The following HERC2 variants were observed in gnomAD, a reference collection of about 807,000 sequenced individuals.
HERC2 encodes E3 ubiquitin-protein ligase HERC2.
HERC2 carries 102 observed loss-of-function variants against 537.7 expected under a neutral mutation model. The observed-to-expected ratio is 0.19, with a 90% confidence interval of 0.16 to 0.22. The LOEUF is 0.22. HERC2 is among the 10% of genes least tolerant of loss of function. The pLI, the probability that HERC2 is intolerant of heterozygous loss-of-function variation, is 1.00. For synonymous variants in HERC2, 2,224 were observed against 2,466.2 expected (o/e 0.90, Z 2.91); for missense variants, 4,236 against 6,198.2 (o/e 0.68, Z 10.63).
intron 2 of HERC2, among the ~76,000 whole-genome samples, chr15:28,315,212 G>C (rs1414707690): frequency 6.6e-6 from 1 of 152,232 alleles, no homozygotes; most frequent in African/African-American, 2.4e-5. Context: ...TAAAAACACT[G>C]AGTTCCCTCA....
rs375750342 is a variant in HERC2 at position 28,142,966 on chromosome 15, G to A, written c.11419-14C>T. On this transcript the variant is annotated splice_polypyrimidine_tract_variant and intron_variant, in intron 74 of 92. Transcript: ENST00000261609. ...ACCTGTAAAACTCTAAGAAACAACA[G>A]AACAGTATTCTATCGCAGGAATCCA... 2.6e-5 allele frequency: 42 copies of A among 1,605,668 alleles called. No homozygotes were observed. In the African/African-American group the frequency reaches 5.0e-4, roughly 19 times the overall value.
intron 28 of HERC2, 37 bp from the exon 29 acceptor site, chr15:28,233,598 T>C (rs751206213): frequency 3.7e-6 from 6 of 1,613,686 alleles, no homozygotes; most frequent in Admixed American, 3.3e-5. Context: ...CAGGGATGAA[T>C]ATGTACCTCA....
At chr15:28,142,983 A>G in intron 74 of HERC2, 31 bp from the exon 75 acceptor site, 3 of 1,604,750 alleles carry the variant, frequency 1.9e-6, no homozygotes, top group Admixed American at 1.7e-5. Flanking sequence ...ATTCTATCGC[A>G]GGAATCCAGG....
chr15:28,162,627 C>A (rs748464195), intron 69 of HERC2, among the ~76,000 whole-genome samples: 1 of 152,100 alleles, frequency 6.6e-6, no homozygotes, highest in Non-Finnish European at 1.5e-5. Flanking sequence ...TTGGTGCTCA[C>A]TCCTGTAATC....
At chr15:28,130,465 T>A (rs766042178) in intron 82 of HERC2, 38 bp downstream of exon 82, 6 of 1,589,272 alleles carry the variant, frequency 3.8e-6, no homozygotes, top group Non-Finnish European at 5.2e-6. Context: ...AATAAAAATC[T>A]GGTTTTAGTG....
chr15:28,280,164 CG>C lies in HERC2; in HGVS notation c.445del (p.Arg149AlafsTer6), dbSNP rs1301576839. The C allele has an allele frequency of 6.2e-7, 1 of 1,614,044 alleles. No individual in the cohort carries two copies. On this transcript the variant is annotated frameshift_variant, in exon 5 of 93. Transcript: ENST00000261609. LOFTEE classifies it high-confidence loss of function. ...RLKQRLVILE[R>X]YFIALNRTVF... ...GGTTCTATTCAAGGCAATGAAATAG[CG>C]CTCCAAGATCACCAGCCTCTGCTTG...
intron 14 of HERC2, among the ~76,000 whole-genome samples, chr15:28,264,569 T>G (rs1243978235): frequency 6.6e-6 from 1 of 152,046 alleles, no homozygotes; most frequent in Non-Finnish European, 1.5e-5. Flanking sequence ...CAGGGACACT[T>G]CCCTACAAGA....
At chr15:28,178,555 C>T (rs925796607) in intron 59 of HERC2, among the ~76,000 whole-genome samples, 28 of 151,748 alleles carry the variant, frequency 1.8e-4, no homozygotes, top group Non-Finnish European at 4.4e-5. Flanking sequence ...AGGCCTAGCA[C>T]GGTGCCTCCA....
intron 44 of HERC2, among the ~76,000 whole-genome samples, chr15:28,207,027 A>C (rs1463002074): frequency 1.3e-5 from 2 of 151,486 alleles, no homozygotes; most frequent in Non-Finnish European, 2.9e-5. Flanking sequence ...AAAAAAAAAA[A>C]CTAGACTCTA....
rs1902657465 is a variant in HERC2 at position 28,238,128 on chromosome 15, C to T, written c.3838G>A (p.Gly1280Ser). ...TACAGCCTCACCTCCAAATACTGGCCAACACAAAACGCGTGCATGGATTCC... is the reference window on the plus strand; with the variant it reads ...TACAGCCTCACCTCCAAATACTGGCTAACACAAAACGCGTGCATGGATTCC... ...TRESMHAFCV[G>S]QYLEPDQEIV... Residue 1280 changes from glycine (G) to serine (S), a missense_variant, in exon 25 of 93, where the codon GGC becomes AGC. Transcript: ENST00000261609. 6.2e-7 allele frequency: 1 copy of T among 1,611,486 alleles called. No homozygotes were observed. Among genetic ancestry groups the T allele is most frequent in the African/African-American group, 1.3e-5 (1 of 74,826 alleles).
intron 9 of HERC2, 30 bp downstream of exon 9, chr15:28,272,185 C>T (rs773834008): frequency 6.4e-7 from 1 of 1,554,030 alleles, no homozygotes; most frequent in Non-Finnish European, 8.7e-7. Flanking sequence ...CGAGTGCCAC[C>T]TAAACACAAA....
chr15:28,167,638 C>T (rs1205289523), intron 68 of HERC2, 49 bp downstream of exon 68: 1 of 1,602,718 alleles, frequency 6.2e-7, no homozygotes, highest in Non-Finnish European at 8.5e-7. Flanking sequence ...CTTCTGTGTA[C>T]ATTTAAGATT....
intron 45 of HERC2, among the ~76,000 whole-genome samples, chr15:28,205,332 C>T (rs1898323497): frequency 9.5e-6 from 1 of 105,280 alleles, no homozygotes; most frequent in Non-Finnish European, 1.9e-5. Context: ...GCCAGGGAGA[C>T]TGGAAACACA....
intron 35 of HERC2, among the ~76,000 whole-genome samples, chr15:28,227,976 G>A (rs1463092218): frequency 6.6e-6 from 1 of 152,114 alleles, no homozygotes; most frequent in Non-Finnish European, 1.5e-5. Flanking sequence ...AGGACTGATG[G>A]CTAAATGGTG....
chr15:28,126,087 A>C (rs1165134102), intron 83 of HERC2, among the ~76,000 whole-genome samples: 1 of 152,194 alleles, frequency 6.6e-6, no homozygotes. Context: ...TCAAAACCAC[A>C]ATGTGATACC....
At chr15:28,238,056 A>G in intron 25 of HERC2, 58 bp downstream of exon 25, 2 of 982,032 alleles carry the variant, frequency 2.0e-6, no homozygotes, top group South Asian at 2.5e-5. Flanking sequence ...TTCCTATCAC[A>G]AACACACAGA....
intron 3 of HERC2, 119 bp from the exon 4 acceptor site, chr15:28,293,141 C>T (rs575160436): frequency 3.9e-5 from 33 of 837,920 alleles, no homozygotes; most frequent in Admixed American, 2.3e-4. Context: ...TGTTGGACAA[C>T]GTAAAAATAA....
In HERC2 at chr15:28,292,934, A is replaced by G; in HGVS notation, c.276T>C (p.Tyr92=). Residue 92 remains tyrosine (Y), a synonymous_variant, in exon 4 of 93, where the codon TAT becomes TAC. Transcript: ENST00000261609. ...AGCTGTCCAGAATTGACTTGGCCCT[A>G]TATATAGGTGCAGGAGTTTCTTCTT... The part of the protein sequence containing the change: ...KDEEETPAPI[Y]RAKSILDSWV... 5.0e-6 allele frequency: 8 copies of G among 1,611,088 alleles called. No homozygotes were observed. Among genetic ancestry groups the G allele is most frequent in the Non-Finnish European group, 6.8e-6 (8 of 1,179,502 alleles).
chr15:28,269,292 G>T lies in HERC2; in HGVS notation c.1402C>A (p.Arg468Ser), dbSNP rs376167368. ...CAEKRFLILSRNGRVYTQAYN... is the reference protein window; with the variant it reads ...CAEKRFLILSSNGRVYTQAYN... Reference sequence around the variant, plus strand: ...GCCTGTGTGTACACGCGGCCATTGCGTGACAGAATCAGGAAACGCTTCTCT... The same window carrying T: ...GCCTGTGTGTACACGCGGCCATTGCTTGACAGAATCAGGAAACGCTTCTCT... The change falls in exon 11 of 93, where the codon CGC (arginine) becomes AGC (serine). Residue 468 changes from arginine to serine, a missense_variant. Around this residue, in one of 27 missense-constraint regions of HERC2, gnomAD observed 491 missense variants for 559.3 expected, o/e 0.88. Coordinates refer to ENST00000261609, the MANE Select transcript of HERC2 (RefSeq NM_004667.6). The T allele has an allele frequency of 1.1e-5, 18 of 1,614,134 alleles. No homozygotes were observed. The highest frequency in any genetic ancestry group is 1.4e-5 in the Non-Finnish European group (16 of 1,180,006).
Sources: gnomAD v4.1 joint callset for allele counts (sites outside exome capture counted in the v4.1 genomes callset) on GRCh38, gnomAD v4.1.1 for gene constraint, gnomAD v4.1.1 regional missense constraint, MANE v1.5 for transcripts, NCBI Gene and HGNC (gene_info 2026-07-23, HGNC 2026-07-21) for gene names.